Variants in LMNB1 observed in about 807,000 individuals in gnomAD.
LMNB1 encodes the protein lamin-B1.
Under a neutral mutation model 67.1 loss-of-function variants are expected in LMNB1, and 23 were observed. The ratio of observed to expected loss-of-function variants is 0.34; its 90% CI spans 0.25 to 0.49. The LOEUF (loss-of-function observed/expected upper bound fraction) is 0.49, where lower values mean the gene tolerates loss of function less well. Ranked by LOEUF, LMNB1 falls within the 20% of genes least tolerant of loss-of-function variation. The pLI, the probability that LMNB1 is intolerant of heterozygous loss-of-function variation, is 0.99. For missense variants in LMNB1, 634 were observed against 746.5 expected (o/e 0.85, Z 1.76); for synonymous variants, 281 against 282.9 (o/e 0.99, Z 0.07).
At chr5:126,784,981 TTTA>T (rs1479145419) in intron 1 of LMNB1, among the ~76,000 whole-genome samples, 3 of 147,938 alleles carry the variant, frequency 2.0e-5, no homozygotes, top group Non-Finnish European at 3.0e-5. Flanking sequence ...AAAAATTAAT[TTTA>T]TTATTATTAT....
intron 1 of LMNB1, among the ~76,000 whole-genome samples, chr5:126,796,786 C>CTTTTTTT (rs34534973): frequency 3.4e-5 from 4 of 118,734 alleles, no homozygotes; most frequent in Non-Finnish European, 5.2e-5. Flanking sequence ...TTTTTTCTTT[C>CTTTTTTT]TTTTTTTTTT....
intron 6 of LMNB1, among the ~76,000 whole-genome samples, chr5:126,819,525 T>G (rs903526139): frequency 2.4e-4 from 36 of 151,760 alleles, no homozygotes; most frequent in Admixed American, 2.0e-4. Context: ...AGTCTCAGCC[T>G]GTTGCCCAGG....
At chr5:126,783,561 C>T (rs1039381673) in intron 1 of LMNB1, among the ~76,000 whole-genome samples, 1 of 152,130 alleles carries the variant, frequency 6.6e-6, no homozygotes, top group African/African-American at 2.4e-5. Context: ...ACTGTCATGA[C>T]ATTTCCTTCC....
chr5:126,792,567 A>ATTTTTTT (rs752371260), intron 1 of LMNB1, among the ~76,000 whole-genome samples: 2 of 99,154 alleles, frequency 2.0e-5, no homozygotes, highest in African/African-American at 4.2e-5. Flanking sequence ...AGCACTAGGG[A>ATTTTTTT]TTTTTTTTTT....
rs545717851 is a variant in LMNB1, at chr5:126,832,641, C to T, written c.1612-53C>T. The T allele has an allele frequency of 1.3e-3, 1,707 of 1,293,542 alleles. 6 individuals carry two copies. Among genetic ancestry groups the T allele is most frequent in the Admixed American group, 1.7e-3 (99 of 58,100 alleles). The allele number at this position is 1,293,542 out of a possible 1,614,324, so 80.1% of individuals were successfully genotyped here. ...AAGCAAAGAAAAGGTCCCTCTCCCCCGCATTTGGTGATTTTAAGTGTGTTT... is the reference window on the plus strand; with the variant it reads ...AAGCAAAGAAAAGGTCCCTCTCCCCTGCATTTGGTGATTTTAAGTGTGTTT... On this transcript the variant is annotated intron_variant, in intron 9 of 10. Transcript: ENST00000261366.
intron 1 of LMNB1, among the ~76,000 whole-genome samples, chr5:126,791,875 C>T (rs552869619): frequency 1.6e-4 from 25 of 151,878 alleles, no homozygotes; most frequent in East Asian, 7.7e-4. Context: ...CCTCTGCCTC[C>T]GTGTTCAAGT....
At chr5:126,819,388 T>G (rs560764620) in intron 6 of LMNB1, among the ~76,000 whole-genome samples, 1 of 152,206 alleles carries the variant, frequency 6.6e-6, no homozygotes, top group African/African-American at 2.4e-5. Flanking sequence ...GATTAGTTCC[T>G]TTGAGATTTT....
intron 9 of LMNB1, among the ~76,000 whole-genome samples, chr5:126,826,872 A>G (rs767664541): frequency 6.6e-6 from 1 of 152,182 alleles, no homozygotes; most frequent in Non-Finnish European, 1.5e-5. Flanking sequence ...AAGCATGTTA[A>G]TGGAGCTTTT....
At chr5:126,836,103 G>T in intron 10 of LMNB1, 120 bp from the exon 11 acceptor site, 2 of 711,362 alleles carry the variant, frequency 2.8e-6, no homozygotes, top group Non-Finnish European at 2.5e-6. Context: ...GATGATAAAG[G>T]GTCCATTTGA....
chr5:126,795,130 C>CTTTTTTTTTTTTTTT lies in LMNB1; in HGVS notation c.360-9645_360-9631dup, dbSNP rs55837872. ...GGAATATGCTAACTAATTCCTTTTCCTTTTTTTTTTTTTTTAAATAAGGAT... is the reference window on the plus strand; with the variant it reads ...GGAATATGCTAACTAATTCCTTTTCCTTTTTTTTTTTTTTTTTTTTTTTTTTTTTTAAATAAGGAT... On this transcript the variant is annotated intron_variant, in intron 1 of 10. Coordinates refer to ENST00000261366, the MANE Select transcript of LMNB1 (RefSeq NM_005573.4). Among the ~76,000 whole-genome samples, 2 of 128,944 alleles carry CTTTTTTTTTTTTTTT rather than the reference C, an allele frequency of 1.6e-5. 1 individual carries two copies. The highest frequency in any genetic ancestry group is 3.2e-5 in the Non-Finnish European group (2 of 62,910). 84.6% of individuals were successfully genotyped at this position (128,944 alleles called of 152,430 possible). A position where few individuals can be genotyped will look rare whatever the true frequency, so the allele number is the denominator to read the frequency against.
At chr5:126,817,186 A>G (rs1175991130) in intron 5 of LMNB1, among the ~76,000 whole-genome samples, 1 of 152,122 alleles carries the variant, frequency 6.6e-6, no homozygotes, top group Non-Finnish European at 1.5e-5. Flanking sequence ...AAATTGTTTC[A>G]TATTTGGCCA....
At chr5:126,800,982 A>ATATATATATTTTTTTTTTTTTT in intron 1 of LMNB1, among the ~76,000 whole-genome samples, 2 of 18,634 alleles carry the variant, frequency 1.1e-4, no homozygotes, top group Non-Finnish European at 2.1e-4. Context: ...TATATATATA[A>ATATATATATTTTTTTTTTTTTT]TTTTTTTTTT....
intron 1 of LMNB1, among the ~76,000 whole-genome samples, chr5:126,797,402 A>C (rs1449310861): frequency 6.6e-6 from 1 of 152,230 alleles, no homozygotes; most frequent in Non-Finnish European, 1.5e-5. Flanking sequence ...GAATATAAAT[A>C]GTTTAATCAG....
chr5:126,822,931 T>A, intron 8 of LMNB1, 46 bp downstream of exon 8: 2 of 1,251,682 alleles, frequency 1.6e-6, no homozygotes, highest in Non-Finnish European at 2.3e-6. Context: ...TTGTGTTAAC[T>A]AACAAAGTAA....
intron 1 of LMNB1, among the ~76,000 whole-genome samples, chr5:126,795,230 C>G (rs1751057232): frequency 2.7e-5 from 4 of 150,276 alleles, no homozygotes; most frequent in Admixed American, 2.0e-4. Flanking sequence ...CTTAACCTCC[C>G]TGGCCCAAGC....
At chr5:126,813,231 T>C (rs1751622512) in intron 5 of LMNB1, among the ~76,000 whole-genome samples, 3 of 152,248 alleles carry the variant, frequency 2.0e-5, no homozygotes, top group African/African-American at 7.2e-5. Flanking sequence ...CTTTGTTACT[T>C]ACGGCACAAA....
chr5:126,824,925 T>C (rs1751960957), intron 8 of LMNB1, among the ~76,000 whole-genome samples: 1 of 144,686 alleles, frequency 6.9e-6, no homozygotes, highest in East Asian at 2.1e-4. Flanking sequence ...TTAGCTCAAG[T>C]GATCTGCCCG....
At chr5:126,805,886 A>T (rs1203254584) in intron 3 of LMNB1, among the ~76,000 whole-genome samples, 190 bp downstream of exon 3, 1 of 152,230 alleles carries the variant, frequency 6.6e-6, no homozygotes, top group African/African-American at 2.4e-5. Context: ...CTGCTAAAAG[A>T]CCGCATTTGA....
chr5:126,807,305 G>A (rs1222303206), intron 3 of LMNB1, among the ~76,000 whole-genome samples: 1 of 152,184 alleles, frequency 6.6e-6, no homozygotes. Context: ...AGTGCAAATA[G>A]GAATTCATTG....
Sources: allele counts gnomAD v4.1 joint callset (sites outside exome capture counted in the v4.1 genomes callset), GRCh38; gene constraint gnomAD v4.1.1; transcripts MANE v1.5; gene names NCBI Gene and HGNC (gene_info 2026-07-23, HGNC 2026-07-21).